SOX5: variants seen among roughly 807,000 people sequenced by gnomAD.
SOX5 encodes the protein SRY-box transcription factor 5.
A neutral mutation model predicts 92.0 loss-of-function variants in SOX5; 9 were observed. The observed-to-expected ratio is 0.10, with a 90% CI of 0.06 to 0.17. SOX5 has a LOEUF of 0.17. Ranked by LOEUF, SOX5 falls within the 10% of genes least tolerant of loss-of-function variation. The pLI is 1.00. For synonymous variants in SOX5, 344 were observed against 336.3 expected, an observed-to-expected ratio of 1.02 and a Z score of -0.25; for missense variants, 642 against 944.5, an observed-to-expected ratio of 0.68 and a Z score of 4.20.
intron 6 of SOX5, among the ~76,000 whole-genome samples, chr12:23,733,777 A>G (rs2093480437): frequency 6.6e-6 from 1 of 152,196 alleles, no homozygotes; most frequent in South Asian, 2.1e-4. Flanking sequence ...CTCAAGATAT[A>G]ACTTCAAGAG....
chr12:23,922,717 G>C (rs1938681985), intron 1 of SOX5, among the ~76,000 whole-genome samples: 1 of 152,296 alleles, frequency 6.6e-6, no homozygotes, highest in South Asian at 2.1e-4. Flanking sequence ...TCTATATTAA[G>C]TTTGAAAACT....
At chr12:24,449,069 C>A (rs1941897873) in intron 1 of SOX5, among the ~76,000 whole-genome samples, 2 of 152,100 alleles carry the variant, frequency 1.3e-5, no homozygotes. Flanking sequence ...ACCCCAAGTC[C>A]AAACTAGAAC....
chr12:23,929,784 A>C (rs192037339), intron 1 of SOX5, among the ~76,000 whole-genome samples: 1 of 152,096 alleles, frequency 6.6e-6, no homozygotes, highest in African/African-American at 2.4e-5. Flanking sequence ...TTTAAGACAT[A>C]ACACGACAGC....
upstream of SOX5, among the ~76,000 whole-genome samples, chr12:23,953,309 A>G (rs1469348640): frequency 2.0e-5 from 3 of 152,102 alleles, no homozygotes; most frequent in African/African-American, 7.2e-5. Flanking sequence ...TAAATTTTGC[A>G]TTAAACGTTA....
intron 3 of SOX5, among the ~76,000 whole-genome samples, chr12:23,832,923 T>C (rs2096353343): frequency 6.6e-6 from 1 of 151,892 alleles, no homozygotes; most frequent in African/African-American, 2.4e-5. Context: ...CCCTTCAAAA[T>C]TGATCAGAGA....
At chr12:24,293,832 T>C (rs1382414591) in intron 2 of SOX5, among the ~76,000 whole-genome samples, 1 of 152,236 alleles carries the variant, frequency 6.6e-6, no homozygotes, top group Non-Finnish European at 1.5e-5. Flanking sequence ...GGGCTGTTTA[T>C]GTTAAGTTCT....
At chr12:24,172,534 G>A (rs1954320344) in intron 4 of SOX5, among the ~76,000 whole-genome samples, 1 of 151,950 alleles carries the variant, frequency 6.6e-6, no homozygotes, top group South Asian at 2.1e-4. Context: ...GGGAGACCCT[G>A]TCTTAAGAAA....
chr12:24,414,977 G>C (rs1964768840), intron 1 of SOX5, among the ~76,000 whole-genome samples: 2 of 151,956 alleles, frequency 1.3e-5, no homozygotes, highest in African/African-American at 2.4e-5. Flanking sequence ...ATATTTCTTT[G>C]TTTGCCTCCT....
At chr12:23,919,007 C>T (rs1280345794) in intron 1 of SOX5, among the ~76,000 whole-genome samples, 1 of 151,456 alleles carries the variant, frequency 6.6e-6, no homozygotes, top group Non-Finnish European at 1.5e-5. Context: ...AAAAATCACA[C>T]TAAAAATCAG....
In SOX5 at chr12:24,260,392, A is replaced by G. The variant is rs145988323; in HGVS notation, c.-77+16824T>C. Among the ~76,000 whole-genome samples the G allele has an allele frequency of 2.5e-3, 380 of 152,334 alleles. 2 individuals carry two copies. The highest frequency in any genetic ancestry group is 8.6e-3 in the African/African-American group (359 of 41,564). ...AGAATATCATAGGATTGTTACGATGACTTAAAAGAGTTAATCCATAGAAAA... is the reference window on the plus strand; with the variant it reads ...AGAATATCATAGGATTGTTACGATGGCTTAAAAGAGTTAATCCATAGAAAA... On this transcript the variant is annotated intron_variant, in intron 3 of 4. Transcript: ENST00000446891.
intron 4 of SOX5, among the ~76,000 whole-genome samples, chr12:24,152,246 G>T (rs1394228913): frequency 1.3e-5 from 2 of 152,162 alleles, no homozygotes; most frequent in African/African-American, 2.4e-5. Context: ...TCATTAATTA[G>T]TTAAAAGCAT....
chr12:24,225,633 T>A (rs78520478), intron 3 of SOX5, among the ~76,000 whole-genome samples: 1 of 152,160 alleles, frequency 6.6e-6, no homozygotes, highest in Non-Finnish European at 1.5e-5. Context: ...CTGTACTTCA[T>A]TGTCATTGTT....
chr12:24,034,522 C>G (rs1260762822), intron 4 of SOX5, among the ~76,000 whole-genome samples: 1 of 151,222 alleles, frequency 6.6e-6, no homozygotes, highest in Non-Finnish European at 1.5e-5. Context: ...CTTCTCAAAA[C>G]TGAATTCTCT....
Position 23,609,372 on chromosome 12 carries a change from A to G in SOX5, c.1018-4839T>C, listed in dbSNP as rs186917748. Among the ~76,000 whole-genome samples, 1,200 of 152,336 alleles carry G rather than the reference A, an allele frequency of 7.9e-3. 17 individuals are homozygous for G. The highest frequency in any genetic ancestry group is 0.028 in the African/African-American group (1,149 of 41,580). On this transcript the variant is annotated intron_variant, in intron 8 of 14. Coordinates refer to ENST00000451604, the MANE Select transcript of SOX5 (RefSeq NM_006940.6). Reference sequence around the variant, plus strand: ...GTTTTTTAGCCAGAATATTGATAAGACAGAAATATCAGCTATGAAATTATC... The same window carrying G: ...GTTTTTTAGCCAGAATATTGATAAGGCAGAAATATCAGCTATGAAATTATC...
chr12:23,985,457 G>A (rs1038030524), intron 4 of SOX5, among the ~76,000 whole-genome samples: 2 of 152,060 alleles, frequency 1.3e-5, no homozygotes, highest in African/African-American at 2.4e-5. Flanking sequence ...AAGGGATAAT[G>A]AGTGGCAGTG....
At chr12:24,492,125 A>T (rs1000278780) in intron 1 of SOX5, among the ~76,000 whole-genome samples, 3 of 152,230 alleles carry the variant, frequency 2.0e-5, no homozygotes, top group Admixed American at 6.5e-5. Context: ...GGAAGGAAGC[A>T]TGGCCATCTG....
intron 4 of SOX5, among the ~76,000 whole-genome samples, chr12:24,073,265 G>A (rs1261389434): frequency 1.3e-5 from 2 of 152,188 alleles, no homozygotes; most frequent in African/African-American, 2.4e-5. Context: ...TATAGCATAT[G>A]AGCTCAAATC....
chr12:23,896,092 G>A, intron 1 of SOX5, 68 bp from the exon 2 acceptor site: 3 of 1,095,824 alleles, frequency 2.7e-6, no homozygotes, highest in East Asian at 4.7e-5. Context: ...TCATTGTGTG[G>A]TTAGGGGCCA....
intron 3 of SOX5, among the ~76,000 whole-genome samples, chr12:24,223,995 T>C (rs1961220297): frequency 6.6e-6 from 1 of 152,146 alleles, no homozygotes; most frequent in Non-Finnish European, 1.5e-5. Context: ...GCAAAGGTGG[T>C]CGCATGAACT....
Sources: allele counts gnomAD v4.1 joint callset (sites outside exome capture counted in the v4.1 genomes callset), GRCh38; gene constraint gnomAD v4.1.1; transcripts MANE v1.5; gene names NCBI Gene and HGNC (gene_info 2026-07-23, HGNC 2026-07-21).